Variants in PDE7B observed in about 807,000 individuals in gnomAD.
PDE7B encodes the protein phosphodiesterase 7B, also known as 3',5'-cyclic-AMP phosphodiesterase 7B.
PDE7B carries 29 observed loss-of-function variants against 56.2 expected under a neutral mutation model. The ratio of observed to expected loss-of-function variants is 0.52; its 90% CI spans 0.38 to 0.70. The LOEUF is 0.70. Among genes scored for constraint, PDE7B ranks in the 30% least tolerant of loss-of-function variants. The pLI, the probability that PDE7B is intolerant of heterozygous loss-of-function variation, is 0.00. For missense variants in PDE7B, 490 were observed against 565.0 expected (o/e 0.87, Z 1.35); for synonymous variants, 197 against 196.9 (o/e 1.00, Z 0.00).
At chr6:135,870,499 A>G (rs1251473438) in intron 1 of PDE7B, among the ~76,000 whole-genome samples, 1 of 150,046 alleles carries the variant, frequency 6.7e-6, no homozygotes, top group East Asian at 2.0e-4. Context: ...ACCCCTATTT[A>G]TTTAGGTGAT....
intron 3 of PDE7B, 67 bp downstream of exon 3, chr6:136,108,881 T>C: frequency 9.7e-7 from 1 of 1,030,762 alleles, no homozygotes; most frequent in Non-Finnish European, 1.5e-6. Flanking sequence ...AAAATCCTCA[T>C]TTCCCTCTGA....
chr6:136,159,740 C>T (rs556491788), intron 8 of PDE7B, among the ~76,000 whole-genome samples: 132 of 152,256 alleles, frequency 8.7e-4, no homozygotes, highest in African/African-American at 3.0e-3. Context: ...CTGTATCCTC[C>T]GGATTTAAAA....
At chr6:135,946,532 G>A (rs1293488897) in intron 1 of PDE7B, among the ~76,000 whole-genome samples, 2 of 152,090 alleles carry the variant, frequency 1.3e-5, no homozygotes, top group Non-Finnish European at 2.9e-5. Flanking sequence ...CAATGTGTGA[G>A]AGTATCCATT....
chr6:135,981,178 G>C (rs1002744346), intron 2 of PDE7B, among the ~76,000 whole-genome samples: 16 of 150,500 alleles, frequency 1.1e-4, no homozygotes, highest in East Asian at 2.0e-4. Context: ...GTAAACTATC[G>C]CAAGAACAAA....
At chr6:135,942,858 A>AC (rs1774529908) in intron 1 of PDE7B, among the ~76,000 whole-genome samples, 1 of 147,748 alleles carries the variant, frequency 6.8e-6, no homozygotes, top group South Asian at 2.3e-4. Context: ...ATAATATTCC[A>AC]TTGTGTGTGT....
intron 11 of PDE7B, among the ~76,000 whole-genome samples, chr6:136,181,751 C>CTTG (rs1334433667): frequency 7.0e-6 from 1 of 142,138 alleles, no homozygotes; most frequent in African/African-American, 3.1e-5. Context: ...ATTCCTTCTC[C>CTTG]TTGCTTTCTT....
At chr6:135,937,134 C>T (rs1774434053) in intron 1 of PDE7B, among the ~76,000 whole-genome samples, 1 of 152,178 alleles carries the variant, frequency 6.6e-6, no homozygotes, top group Non-Finnish European at 1.5e-5. Flanking sequence ...CCTTTTTCCA[C>T]CTAAGGGTCC....
intron 3 of PDE7B, among the ~76,000 whole-genome samples, chr6:136,118,546 A>G (rs555101639): frequency 6.6e-6 from 1 of 152,374 alleles, no homozygotes; most frequent in South Asian, 2.1e-4. Flanking sequence ...AGATGAGGAA[A>G]CTGAGACTGA....
At chr6:136,166,077 T>C (rs777472840) in intron 8 of PDE7B, among the ~76,000 whole-genome samples, 5 of 152,190 alleles carry the variant, frequency 3.3e-5, no homozygotes, top group Non-Finnish European at 7.3e-5. Context: ...TGTTTTCCTT[T>C]TATTGTTGTT....
chr6:136,133,483 G>A (rs1778153947), intron 3 of PDE7B, among the ~76,000 whole-genome samples: 1 of 152,144 alleles, frequency 6.6e-6, no homozygotes, highest in Non-Finnish European at 1.5e-5. Flanking sequence ...TGATGTGTTA[G>A]ATGAGTGAAT....
intron 1 of PDE7B, among the ~76,000 whole-genome samples, chr6:135,925,904 G>C (rs2128196127): frequency 6.6e-6 from 1 of 152,112 alleles, no homozygotes; most frequent in Non-Finnish European, 1.5e-5. Context: ...GAAAATTGTA[G>C]GTGAGAAGCA....
At chr6:136,038,371 C>T in intron 2 of PDE7B, 2 of 1,291,782 alleles carry the variant, frequency 1.5e-6, no homozygotes, top group Non-Finnish European at 1.0e-6. Flanking sequence ...TGCCCTCCTC[C>T]CCGGGAAGCC....
chr6:135,938,744 C>T (rs1311112384), intron 1 of PDE7B, among the ~76,000 whole-genome samples: 1 of 152,172 alleles, frequency 6.6e-6, no homozygotes. Flanking sequence ...TGCACCACGC[C>T]ATCTGACCTC....
intron 2 of PDE7B, among the ~76,000 whole-genome samples, chr6:136,059,747 C>A (rs1365763174): frequency 6.6e-6 from 1 of 152,144 alleles, no homozygotes; most frequent in East Asian, 1.9e-4. Flanking sequence ...ACTTCACATT[C>A]AAAATTTTAA....
intron 2 of PDE7B, among the ~76,000 whole-genome samples, chr6:135,967,757 T>C (rs9494429): frequency 0.085 from 13,006 of 152,182 alleles, 1,064 homozygotes; most frequent in African/African-American, 0.21. Context: ...ATGCTGAAAC[T>C]GTAGGAAAGC....
At chr6:136,098,203 G>C (rs1777503875) in intron 2 of PDE7B, 1 of 150,840 alleles carries the variant, frequency 6.6e-6, no homozygotes. Flanking sequence ...AGTGGGGAAG[G>C]AGAGAGAGGA....
At chr6:136,128,463 G>T (rs1778057793) in intron 3 of PDE7B, among the ~76,000 whole-genome samples, 3 of 152,058 alleles carry the variant, frequency 2.0e-5, no homozygotes, top group Admixed American at 6.6e-5. Context: ...TTTACTGAGT[G>T]TCTTAATCTT....
chr6:136,031,517 A>T (rs1407144915), intron 2 of PDE7B, among the ~76,000 whole-genome samples: 1 of 152,064 alleles, frequency 6.6e-6, no homozygotes, highest in Non-Finnish European at 1.5e-5. Context: ...AGGCGGGCGG[A>T]TCACGAGGTC....
chr6:136,007,577 C>T (rs187238938), intron 2 of PDE7B, among the ~76,000 whole-genome samples: 1 of 151,436 alleles, frequency 6.6e-6, no homozygotes, highest in East Asian at 1.9e-4. Flanking sequence ...TGACATGTAG[C>T]TGACAAGTCT....
Sources: allele counts gnomAD v4.1 joint callset (sites outside exome capture counted in the v4.1 genomes callset), GRCh38; gene constraint gnomAD v4.1.1; transcripts MANE v1.5; gene names NCBI Gene and HGNC (gene_info 2026-07-23, HGNC 2026-07-21).